C12orf56: variants seen among roughly 807,000 people sequenced by gnomAD.
C12orf56 encodes uncharacterized protein C12orf56.
Under a neutral mutation model 69.9 loss-of-function variants are expected in C12orf56, and 71 were observed. That is an observed-to-expected ratio of 1.02 (90% CI 0.84 to 1.24). The LOEUF is 1.24. Among genes scored for constraint, C12orf56 ranks in the 50% most tolerant of loss-of-function variants. The pLI is 0.00. For synonymous variants in C12orf56, 276 were observed against 274.1 expected (o/e 1.01, Z -0.07); for missense variants, 732 against 738.5 (o/e 0.99, Z 0.10).
chr12:64,319,422 G>A (rs142619935), intron 3 of C12orf56, among the ~76,000 whole-genome samples: 55 of 152,254 alleles, frequency 3.6e-4, no homozygotes, highest in African/African-American at 1.3e-3. Flanking sequence ...TTGAGACCGG[G>A]TCTCACTCTG....
Position 64,338,598 on chromosome 12 carries a change from G to A in C12orf56, c.416-7566C>T, listed in dbSNP as rs1007773212. ...TTGGACATCTGAATTTTCTTCTGCT[G>A]CTCAATCTGTTTCTCTTTCTTCTCA... On this transcript the variant is annotated intron_variant, in intron 2 of 12. Transcript: ENST00000543942. The A allele has an allele frequency of 7.7e-5, 122 of 1,583,892 alleles. 1 individual carries two copies. The highest frequency in any genetic ancestry group is 4.7e-4 in the Admixed American group (28 of 59,500).
At chr12:64,363,117 G>A (rs1219535220) in intron 1 of C12orf56, among the ~76,000 whole-genome samples, 3 of 152,262 alleles carry the variant, frequency 2.0e-5, no homozygotes, top group East Asian at 3.9e-4. Flanking sequence ...GTAGGTCGCA[G>A]CCTCATTTTA....
intron 2 of C12orf56, among the ~76,000 whole-genome samples, chr12:64,349,350 A>G (rs192180860): frequency 3.3e-5 from 5 of 152,350 alleles, no homozygotes; most frequent in Non-Finnish European, 5.9e-5. Context: ...AATGGCCATA[A>G]TCAAAAAATC....
At chr12:64,275,168 G>A (rs2010889) in intron 10 of C12orf56, 130 bp downstream of exon 10, 538,240 of 727,780 alleles carry the variant, frequency 0.74, 202,593 homozygotes, top group Non-Finnish European at 0.79. Context: ...ACCATCTCAA[G>A]TACAAGCATT....
intron 4 of C12orf56, among the ~76,000 whole-genome samples, chr12:64,314,221 G>T (rs1440102858): frequency 1.3e-5 from 2 of 151,864 alleles, no homozygotes. Context: ...GAATAGCTAG[G>T]ACTACAGACA....
chr12:64,388,982 G>A (rs932092474), intron 1 of C12orf56: 3 of 148,092 alleles, frequency 2.0e-5, no homozygotes, highest in African/African-American at 5.0e-5. Flanking sequence ...AAGGTATTCC[G>A]AGTAGAAAAA....
At position 64,353,517 on chromosome 12, in the gene C12orf56, T is replaced by C. The variant is rs115146396; in HGVS notation, c.253-461A>G. ...CCACTTGGACATCTTCCTTTTCTTA[T>C]TGTTAGGTTTCCCAATTATTTCTCT... On this transcript the variant is annotated intron_variant, in intron 1 of 12. Transcript: ENST00000543942. Among the ~76,000 whole-genome samples the C allele has an allele frequency of 9.9e-3, 1,506 of 152,196 alleles. 29 individuals carry two copies. The highest frequency in any genetic ancestry group is 0.034 in the African/African-American group (1,398 of 41,514).
chr12:64,387,772 A>G (rs2039813921), intron 1 of C12orf56, among the ~76,000 whole-genome samples: 1 of 151,946 alleles, frequency 6.6e-6, no homozygotes, highest in Non-Finnish European at 1.5e-5. Context: ...AGATCGGGCC[A>G]CTGCACTCCA....
chr12:64,343,836 A>G (rs7486177), intron 2 of C12orf56, among the ~76,000 whole-genome samples: 49,408 of 152,064 alleles, frequency 0.32, 8,421 homozygotes, highest in Non-Finnish European at 0.39. Context: ...GGCAGCTCTA[A>G]TGGCTTCCAT....
At chr12:64,311,899 C>A (rs1008882451) in intron 5 of C12orf56, among the ~76,000 whole-genome samples, 1 of 152,078 alleles carries the variant, frequency 6.6e-6, no homozygotes. Flanking sequence ...GCAGAGAGAC[C>A]AGCTAGGAAA....
At chr12:64,352,638 T>A (rs2039245112) in intron 2 of C12orf56, among the ~76,000 whole-genome samples, 1 of 152,078 alleles carries the variant, frequency 6.6e-6, no homozygotes, top group Non-Finnish European at 1.5e-5. Flanking sequence ...AGCTCTTGCA[T>A]GTGGCAGACT....
intron 10 of C12orf56, 100 bp downstream of exon 10, chr12:64,275,198 T>C (rs887341566): frequency 5.5e-6 from 4 of 724,890 alleles, no homozygotes; most frequent in African/African-American, 3.6e-5. Context: ...TTATTAATCA[T>C]ATAACATAAT....
At chr12:64,306,634 G>C (rs2038517244) in intron 5 of C12orf56, among the ~76,000 whole-genome samples, 1 of 152,104 alleles carries the variant, frequency 6.6e-6, no homozygotes, top group Non-Finnish European at 1.5e-5. Context: ...CTCTGAAAGT[G>C]CTGAGATTAC....
intron 1 of C12orf56, among the ~76,000 whole-genome samples, chr12:64,359,771 T>C (rs2039373672): frequency 6.6e-6 from 1 of 152,030 alleles, no homozygotes; most frequent in African/African-American, 2.4e-5. Flanking sequence ...TGGAGTAGAG[T>C]GGCATAATCT....
At chr12:64,351,831 C>A (rs1285701890) in intron 2 of C12orf56, among the ~76,000 whole-genome samples, 1 of 151,358 alleles carries the variant, frequency 6.6e-6, no homozygotes, top group African/African-American at 2.4e-5. Flanking sequence ...TCAAGCTGTA[C>A]CCCTTTCAAA....
At chr12:64,338,289 A>C in intron 2 of C12orf56, 1 of 514,272 alleles carries the variant, frequency 1.9e-6, no homozygotes, top group Non-Finnish European at 3.8e-6. Flanking sequence ...TTTATGTTAC[A>C]ATCCCCATTA....
intron 1 of C12orf56, 47 bp downstream of exon 1, chr12:64,390,267 A>T: frequency 6.5e-7 from 1 of 1,545,418 alleles, no homozygotes; most frequent in Non-Finnish European, 8.7e-7. Context: ...CCCAGCCGGG[A>T]GTTCTCACTG....
At chr12:64,340,110 G>A (rs937048981) in intron 2 of C12orf56, among the ~76,000 whole-genome samples, 8 of 152,096 alleles carry the variant, frequency 5.3e-5, no homozygotes, top group Non-Finnish European at 7.4e-5. Context: ...GAGCCAGTCC[G>A]AGTTCCAAAA....
intron 5 of C12orf56, among the ~76,000 whole-genome samples, chr12:64,312,192 G>A (rs554893985): frequency 3.3e-5 from 5 of 152,292 alleles, no homozygotes; most frequent in Non-Finnish European, 7.4e-5. Context: ...TGACTTTAAC[G>A]TTCCTATGAG....
Sources: gnomAD v4.1 joint callset for allele counts (sites outside exome capture counted in the v4.1 genomes callset) on GRCh38, gnomAD v4.1.1 for gene constraint, MANE v1.5 for transcripts, NCBI Gene and HGNC (gene_info 2026-07-23, HGNC 2026-07-21) for gene names.